Variants in DZANK1 observed in about 807,000 individuals in gnomAD.
DZANK1 encodes double zinc ribbon and ankyrin repeat domains 1.
A neutral mutation model predicts 94.5 loss-of-function variants in DZANK1; 91 were observed. The ratio of observed to expected loss-of-function variants is 0.96; its 90% CI spans 0.81 to 1.15. The LOEUF is 1.15. DZANK1 is among the 50% of genes most tolerant of loss of function. The pLI, the probability that DZANK1 is intolerant of heterozygous loss-of-function variation, is 0.00. For missense variants in DZANK1, 903 were observed against 916.4 expected, an observed-to-expected ratio of 0.99 and a Z score of 0.19; for synonymous variants, 312 against 325.3, an observed-to-expected ratio of 0.96 and a Z score of 0.44.
At chr20:18,423,787 G>A (rs2057905219) in intron 10 of DZANK1, among the ~76,000 whole-genome samples, 1 of 152,102 alleles carries the variant, frequency 6.6e-6, no homozygotes, top group Non-Finnish European at 1.5e-5. Context: ...TACATAGGAT[G>A]CTGCCAAAGA....
intron 8 of DZANK1, among the ~76,000 whole-genome samples, chr20:18,435,987 G>A (rs2058506109): frequency 6.6e-6 from 1 of 152,086 alleles, no homozygotes; most frequent in Non-Finnish European, 1.5e-5. Flanking sequence ...TATACTACCT[G>A]ACGCAGTCAA....
intron 9 of DZANK1, chr20:18,433,450 G>A: frequency 1.9e-6 from 1 of 521,364 alleles, no homozygotes; most frequent in South Asian, 2.1e-5. Context: ...GCTGAGGCAG[G>A]AGAATCACTT....
chr20:18,443,943 C>T (rs1013102641), intron 7 of DZANK1, among the ~76,000 whole-genome samples: 1 of 152,170 alleles, frequency 6.6e-6, no homozygotes, highest in African/African-American at 2.4e-5. Context: ...AGTCCTCAGG[C>T]CCTGCCCCAG....
At chr20:18,394,321 G>A in exon 16 of DZANK1, 1 of 1,613,806 alleles carries the variant, frequency 6.2e-7, no homozygotes, top group Non-Finnish European at 8.5e-7. Flanking sequence ...GGTGATCGCT[G>A]AAATTCACTG....
At position 18,425,125 on chromosome 20, in the gene DZANK1, C is replaced by G. The variant is rs181630853; in HGVS notation, c.954+1942G>C. ...TAGTTAAAATGGCTATATATAATTA[C>G]CAACATTCATCAAACTGTACAATTA... On this transcript the variant is annotated intron_variant, in intron 10 of 20. Transcript: ENST00000262547. 2.2e-3 allele frequency among the ~76,000 whole-genome samples: 331 copies of G among 152,220 alleles called. 2 individuals carry two copies. Among genetic ancestry groups the G allele is most frequent in the African/African-American group, 7.6e-3 (317 of 41,530 alleles).
chr20:18,466,064 T>G (rs1198227738), intron 1 of DZANK1, among the ~76,000 whole-genome samples: 1 of 152,202 alleles, frequency 6.6e-6, no homozygotes, highest in Non-Finnish European at 1.5e-5. Flanking sequence ...CTGGTCTTTT[T>G]GGAGGTGAGG....
chr20:18,424,907 C>CA (rs1032591048), intron 10 of DZANK1, among the ~76,000 whole-genome samples: 1 of 152,078 alleles, frequency 6.6e-6, no homozygotes, highest in Non-Finnish European at 1.5e-5. Context: ...GAACGAACCT[C>CA]AAAAACATTC....
intron 13 of DZANK1, among the ~76,000 whole-genome samples, chr20:18,408,870 C>A (rs1386899978): frequency 6.6e-6 from 1 of 152,074 alleles, no homozygotes; most frequent in Non-Finnish European, 1.5e-5. Flanking sequence ...CACAGAATAG[C>A]ATAACACTGG....
chr20:18,454,311 C>T lies in DZANK1; in HGVS notation c.379-484G>A, dbSNP rs80107928. 5.3e-4 allele frequency: 172 copies of T among 322,252 alleles called. 1 individual carries two copies. In the East Asian group the frequency reaches 8.2e-3, roughly 15 times the overall value. The allele number at this position is 322,252 out of a possible 1,614,324, so 20.0% of individuals were successfully genotyped here. A position where few individuals can be genotyped will look rare whatever the true frequency, so the allele number is the denominator to read the frequency against. On this transcript the variant is annotated intron_variant, in intron 4 of 20. Coordinates refer to ENST00000262547, the Ensembl canonical transcript of DZANK1. ...CATATGTTGGCTTAGCCCCCGAAGG[C>T]GGCCCCTGCCCAGTGTAGATCCTTG... is the stretch of plus-strand genomic sequence containing the variant.
exon 12 of DZANK1, chr20:18,414,488 C>G (rs764008629): frequency 6.2e-7 from 1 of 1,611,382 alleles, no homozygotes; most frequent in African/African-American, 1.3e-5. Flanking sequence ...TTAGGGCAAA[C>G]AGAACAGCCA....
chr20:18,394,403 C>T (rs2056210060), intron 15 of DZANK1, 53 bp from the exon 16 acceptor site: 6 of 1,546,334 alleles, frequency 3.9e-6, no homozygotes, highest in Admixed American at 1.8e-5. Context: ...CTTTGTCCCA[C>T]TAGAAAGAAG....
At position 18,429,520 on chromosome 20, in the gene DZANK1, G is replaced by A. The variant is rs372678457; in HGVS notation, c.862-2361C>T. On this transcript the variant is annotated intron_variant, in intron 9 of 20. Transcript: ENST00000262547. ...ATACCCTGTCCCACGCCACAGACACGGCCTCCCCCACACTATGGACATCCC... is the reference window on the plus strand; with the variant it reads ...ATACCCTGTCCCACGCCACAGACACAGCCTCCCCCACACTATGGACATCCC... Among the ~76,000 whole-genome samples the A allele has an allele frequency of 1.0e-3, 159 of 152,186 alleles. 1 individual carries two copies. In the South Asian group the frequency reaches 0.018, roughly 17 times the overall value.
intron 9 of DZANK1, chr20:18,432,817 G>C (rs541105816): frequency 6.6e-6 from 1 of 152,274 alleles, no homozygotes; most frequent in African/African-American, 2.4e-5. Context: ...GTAAATTGAA[G>C]AATGGAGAAA....
chr20:18,452,784 T>C (rs1446019908), intron 5 of DZANK1, 45 bp from the exon 6 acceptor site: 2 of 1,502,234 alleles, frequency 1.3e-6, no homozygotes. Context: ...TCTGTAATTA[T>C]ACATAATCAT....
At chr20:18,456,098 C>T (rs1408911434) in intron 3 of DZANK1, among the ~76,000 whole-genome samples, 2 of 152,192 alleles carry the variant, frequency 1.3e-5, no homozygotes, top group African/African-American at 4.8e-5. Context: ...CTACCACATT[C>T]ATCATAAAGA....
At chr20:18,438,726 T>G (rs545360787) in intron 8 of DZANK1, among the ~76,000 whole-genome samples, 235 of 152,328 alleles carry the variant, frequency 1.5e-3, no homozygotes, top group African/African-American at 5.0e-3. Context: ...AACACAAATT[T>G]ATTTCTCAGA....
intron 9 of DZANK1, 51 bp from the exon 10 acceptor site, chr20:18,427,210 C>A: frequency 1.4e-6 from 2 of 1,400,658 alleles, no homozygotes; most frequent in South Asian, 2.5e-5. Context: ...AACAACTGTG[C>A]AAAGAAATCA....
exon 12 of DZANK1, chr20:18,414,492 A>C (rs756446379): frequency 1.9e-6 from 3 of 1,611,238 alleles, no homozygotes; most frequent in Non-Finnish European, 8.5e-7. Context: ...GGCAAACAGA[A>C]CAGCCAGCAG....
At chr20:18,433,166 T>A (rs75959446) in intron 9 of DZANK1, 1 of 158,472 alleles carries the variant, frequency 6.3e-6, no homozygotes, top group African/African-American at 2.4e-5. Context: ...ATATTATAGA[T>A]CCTATTGGCA....
Sources: gnomAD v4.1 joint callset for allele counts (sites outside exome capture counted in the v4.1 genomes callset) on GRCh38, gnomAD v4.1.1 for gene constraint, MANE v1.5 for transcripts, NCBI Gene and HGNC (gene_info 2026-07-23, HGNC 2026-07-21) for gene names.